The following ATAD2B variants were observed in gnomAD, a reference collection of about 807,000 sequenced individuals.
ATAD2B encodes ATPase family AAA domain containing 2B, also known as ATPase family AAA domain-containing protein 2B.
In ATAD2B, 40 loss-of-function variants were observed where a neutral mutation model predicts 167.6. The ratio of observed to expected loss-of-function variants is 0.24; its 90% CI spans 0.19 to 0.31. The LOEUF (loss-of-function observed/expected upper bound fraction) is 0.31, where lower values mean the gene tolerates loss of function less well. Ranked by LOEUF, ATAD2B falls within the 10% of genes least tolerant of loss-of-function variation. The pLI, the probability that ATAD2B is intolerant of heterozygous loss-of-function variation, is 1.00. For missense variants in ATAD2B, 1,242 were observed against 1,757.2 expected, an observed-to-expected ratio of 0.71 and a Z score of 5.24; for synonymous variants, 579 against 596.5, an observed-to-expected ratio of 0.97 and a Z score of 0.43.
At chr2:23,678,327 C>G in the ATAD2B span, among the ~76,000 whole-genome samples, 1 of 152,122 alleles carries the variant, frequency 6.6e-6, no homozygotes, top group Non-Finnish European at 1.5e-5. Flanking sequence ...TGAGACGGGT[C>G]GTTAGAGGGG....
chr2:23,701,536 G>T, the ATAD2B span, among the ~76,000 whole-genome samples: 1 of 152,096 alleles, frequency 6.6e-6, no homozygotes, highest in Non-Finnish European at 1.5e-5. Flanking sequence ...AACATAGGGA[G>T]ACCTCATCTC....
chr2:23,850,686 T>G (rs1335382562), intron 13 of ATAD2B, among the ~76,000 whole-genome samples: 1 of 151,990 alleles, frequency 6.6e-6, no homozygotes, highest in Non-Finnish European at 1.5e-5. Context: ...GGGGGATGAA[T>G]GAATAGACGA....
At chr2:23,796,415 G>A (rs1682627321) in intron 19 of ATAD2B, among the ~76,000 whole-genome samples, 1 of 152,162 alleles carries the variant, frequency 6.6e-6, no homozygotes, top group African/African-American at 2.4e-5. Context: ...ATGATATAAT[G>A]TTAGCTTTAA....
At chr2:23,745,800 TG>T (rs1674848007), downstream of ATAD2B, among the ~76,000 whole-genome samples, 1 of 152,204 alleles carries the variant, frequency 6.6e-6, no homozygotes, top group African/African-American at 2.4e-5. Context: ...GGTAACATGT[TG>T]TTTGTTTACT....
chr2:23,838,435 A>C (rs1451848240), intron 13 of ATAD2B, among the ~76,000 whole-genome samples: 2 of 150,632 alleles, frequency 1.3e-5, no homozygotes, highest in Non-Finnish European at 2.9e-5. Context: ...CTTAAATTAT[A>C]CCAAAAGTTG....
In ATAD2B at chr2:23,869,909, T is replaced by G. The variant is rs1172505059; in HGVS notation, c.978-148A>C. ...ACCCTCATACAATTTACATGAAGTA[T>G]AAAGGTAGCAAGTTCTGCAGAGAAA... On this transcript the variant is annotated intron_variant, in intron 8 of 27. Coordinates refer to ENST00000238789, the MANE Select transcript of ATAD2B (RefSeq NM_017552.4). The G allele has an allele frequency of 5.2e-6, 3 of 580,468 alleles. No homozygotes were observed. The East Asian group carries it at 8.8e-5, about 17-fold the overall frequency. The allele number at this position is 580,468 out of a possible 1,614,324, so 36.0% of individuals were successfully genotyped here.
chr2:23,862,956 G>A (rs960115753), intron 12 of ATAD2B, among the ~76,000 whole-genome samples: 1 of 152,090 alleles, frequency 6.6e-6, no homozygotes, highest in African/African-American at 2.4e-5. Flanking sequence ...ATGCCTCTAA[G>A]GCATACAATC....
At chr2:23,847,466 C>G (rs947291497) in intron 13 of ATAD2B, among the ~76,000 whole-genome samples, 1 of 151,708 alleles carries the variant, frequency 6.6e-6, no homozygotes, top group African/African-American at 2.4e-5. Flanking sequence ...GATTGCGCCA[C>G]TGCACTCCAG....
At chr2:23,871,289 A>C (rs562639229) in intron 8 of ATAD2B, among the ~76,000 whole-genome samples, 1 of 129,476 alleles carries the variant, frequency 7.7e-6, no homozygotes, top group Non-Finnish European at 1.6e-5. Flanking sequence ...CTGCTTTACT[A>C]AAAAAAAAAC....
chr2:23,894,157 T>C lies in ATAD2B; in HGVS notation c.368+1662A>G, dbSNP rs1410631589. On this transcript the variant is annotated intron_variant, in intron 2 of 27. Transcript: ENST00000238789. ...ATATCTTTCATATGCTCTCCCAAAA[T>C]TTTTGAGGCCTTTTTATATGAAAGA... Among the ~76,000 whole-genome samples, 2 of 152,032 alleles carry C rather than the reference T, an allele frequency of 1.3e-5. 1 individual carries two copies. The highest frequency in any genetic ancestry group is 2.9e-5 in the Non-Finnish European group (2 of 68,006).
intron 4 of ATAD2B, among the ~76,000 whole-genome samples, chr2:23,886,070 G>C (rs1274654617): frequency 6.6e-6 from 1 of 151,790 alleles, no homozygotes; most frequent in East Asian, 1.9e-4. Context: ...TCAGCCTCCC[G>C]AGTATCTGAG....
In ATAD2B at chr2:23,851,468, G is replaced by C. The variant is rs569479440; in HGVS notation, c.1568+5947C>G. On this transcript the variant is annotated intron_variant, in intron 13 of 27. Transcript: ENST00000238789. ...GAATAGTCTATTTTTAAGACCATTT[G>C]TTAGGGCAGTTTTAGGTTAACAGCC... Among the ~76,000 whole-genome samples, 43 of 152,292 alleles carry C rather than the reference G, an allele frequency of 2.8e-4. 1 individual carries two copies. In the South Asian group the frequency reaches 8.5e-3, roughly 30 times the overall value.
At chr2:23,777,348 A>ATATATCTATACC (rs1553380259) in intron 22 of ATAD2B, among the ~76,000 whole-genome samples, 51 of 146,334 alleles carry the variant, frequency 3.5e-4, no homozygotes, top group Middle Eastern at 7.0e-3. Context: ...CATAATACTG[A>ATATATCTATACC]TATATCTATA....
At chr2:23,740,833 T>C in the ATAD2B span, among the ~76,000 whole-genome samples, 1 of 152,188 alleles carries the variant, frequency 6.6e-6, no homozygotes, top group African/African-American at 2.4e-5. Context: ...CTCCTCAAGC[T>C]GATAAGCAAC....
Position 23,878,025 on chromosome 2 carries a change from A to AAAAAAAAAAAAAAAAAAAAAG in ATAD2B, c.902-2122_902-2121insCTTTTTTTTTTTTTTTTTTTT, listed in dbSNP as rs1558714074. Among the ~76,000 whole-genome samples the AAAAAAAAAAAAAAAAAAAAAG allele has an allele frequency of 2.3e-3, 249 of 106,848 alleles. 9 individuals are homozygous for AAAAAAAAAAAAAAAAAAAAAG. Among genetic ancestry groups the AAAAAAAAAAAAAAAAAAAAAG allele is most frequent in the Non-Finnish European group, 4.1e-3 (193 of 47,102 alleles). 70.1% of individuals were successfully genotyped at this position (106,848 alleles called of 152,430 possible). A position where few individuals can be genotyped will look rare whatever the true frequency, so the allele number is the denominator to read the frequency against. ...ACCCTATCTCCAAAGAAAAAAAAAA[A>AAAAAAAAAAAAAAAAAAAAAG]AAAAAAAAAAAAAAGCAAAATGTAT... On this transcript the variant is annotated intron_variant, in intron 7 of 27. Transcript: ENST00000238789.
chr2:23,858,501 T>TC (rs1425363360), intron 12 of ATAD2B, among the ~76,000 whole-genome samples: 1 of 151,116 alleles, frequency 6.6e-6, no homozygotes, highest in Non-Finnish European at 1.5e-5. Context: ...TTTTTTTTTT[T>TC]TTTTTCTTCA....
chr2:23,696,232 A>G, the ATAD2B span: 4 of 1,487,642 alleles, frequency 2.7e-6, no homozygotes, highest in Admixed American at 8.1e-5. The surrounding 1 kb of genome is among the most constrained non-coding windows in gnomAD (Gnocchi z 5.5). Flanking sequence ...AGAAGTGTCT[A>G]CTTTGCAGGT....
chr2:23,696,628 C>G, the ATAD2B span: 1 of 803,264 alleles, frequency 1.2e-6, no homozygotes, highest in Non-Finnish European at 1.9e-6. This position sits in a 1 kb window ranked among gnomAD's most constrained non-coding sequence, Gnocchi z 5.5. Context: ...GAGCCTGGAC[C>G]ATTCATATGG....
chr2:23,826,439 A>C (rs1157868532), intron 15 of ATAD2B, among the ~76,000 whole-genome samples: 1 of 152,204 alleles, frequency 6.6e-6, no homozygotes, highest in African/African-American at 2.4e-5. Flanking sequence ...GTTAAAAGTT[A>C]ATATTAAAGA....
Sources: gnomAD v4.1 joint callset for allele counts (sites outside exome capture counted in the v4.1 genomes callset) on GRCh38, gnomAD v4.1.1 for gene constraint, Gnocchi (gnomAD v3.1) non-coding constraint, MANE v1.5 for transcripts, NCBI Gene and HGNC (gene_info 2026-07-23, HGNC 2026-07-21) for gene names.